RARB: variants seen among roughly 807,000 people sequenced by gnomAD.
RARB encodes retinoic acid receptor beta.
A neutral mutation model predicts 51.9 loss-of-function variants in RARB; 17 were observed. The observed-to-expected ratio is 0.33, with a 90% CI of 0.22 to 0.49. The LOEUF is 0.49. RARB is among the 20% of genes least tolerant of loss of function. RARB has a pLI of 0.99. For missense variants in RARB, 369 were observed against 550.8 expected, an observed-to-expected ratio of 0.67 and a Z score of 3.30; for synonymous variants, 215 against 195.4, an observed-to-expected ratio of 1.10 and a Z score of -0.84.
chr3:24,833,200 A>C (rs924743807), intron 1 of RARB: 1 of 152,114 alleles, frequency 6.6e-6, no homozygotes, highest in Admixed American at 6.5e-5. Flanking sequence ...GACAGAGCTG[A>C]CTCGTCCCTT....
intron 3 of RARB, among the ~76,000 whole-genome samples, chr3:25,081,944 T>G (rs1331076218): frequency 1.3e-5 from 2 of 151,940 alleles, no homozygotes; most frequent in African/African-American, 4.8e-5. Flanking sequence ...GCTTCATATA[T>G]TTTTAAGCTC....
At chr3:24,877,336 A>G (rs181680052) in intron 2 of RARB, among the ~76,000 whole-genome samples, 1 of 59,544 alleles carries the variant, frequency 1.7e-5, no homozygotes, top group African/African-American at 7.1e-5. Flanking sequence ...AATTTTTTAA[A>G]GCAATCTTAC....
chr3:24,886,532 C>T, intron 2 of RARB, among the ~76,000 whole-genome samples: 1 of 151,250 alleles, frequency 6.6e-6, no homozygotes, highest in East Asian at 1.9e-4. Flanking sequence ...GCAGCCTTTA[C>T]CTCCCGGACT....
intron 2 of RARB, among the ~76,000 whole-genome samples, chr3:25,031,898 G>C (rs1450755448): frequency 2.0e-5 from 3 of 152,110 alleles, no homozygotes; most frequent in Non-Finnish European, 2.9e-5. Flanking sequence ...GACCTGAATA[G>C]AATCCACATC....
intron 5 of RARB, among the ~76,000 whole-genome samples, chr3:25,236,458 G>A (rs1472073365): frequency 6.6e-6 from 1 of 151,976 alleles, no homozygotes. Context: ...CTTCTAAAAT[G>A]TCCTGAATTT....
chr3:25,460,828 TATCTGA>T, intron 1 of RARB, among the ~76,000 whole-genome samples: 1 of 152,226 alleles, frequency 6.6e-6, no homozygotes, highest in Non-Finnish European at 1.5e-5. Flanking sequence ...GTAGTATGAC[TATCTGA>T]ATTTGTGTCT....
intron 5 of RARB, among the ~76,000 whole-genome samples, chr3:25,275,088 T>C (rs1703350044): frequency 6.6e-6 from 1 of 152,206 alleles, no homozygotes; most frequent in African/African-American, 2.4e-5. Context: ...TGCTGCCCCA[T>C]CATGCTATCA....
Position 25,561,243 on chromosome 3 carries a change from G to GGGATCTTTGA in RARB, c.449-8514_449-8513insGATCTTTGAG, listed in dbSNP as rs562414158. 3.8e-3 allele frequency among the ~76,000 whole-genome samples: 582 copies of GGGATCTTTGA among 152,224 alleles called. 1 individual carries two copies. The highest frequency in any genetic ancestry group is 0.013 in the African/African-American group (549 of 41,526). On this transcript the variant is annotated intron_variant, in intron 3 of 7. Coordinates refer to ENST00000330688, the MANE Select transcript of RARB (RefSeq NM_000965.5). Reference sequence around the variant, plus strand: ...ACAGATGTGGGTGGGATCTTTGAGTGGTAGGAATGACCAATTGTTTTCTTT... The same window carrying GGGATCTTTGA: ...ACAGATGTGGGTGGGATCTTTGAGTGGGATCTTTGAGTAGGAATGACCAATTGTTTTCTTT...
intron 5 of RARB, among the ~76,000 whole-genome samples, chr3:25,247,532 C>T (rs1702594285): frequency 6.6e-6 from 1 of 152,210 alleles, no homozygotes; most frequent in African/African-American, 2.4e-5. Context: ...TAGCTCCATC[C>T]CTCATGGCGT....
intron 5 of RARB, among the ~76,000 whole-genome samples, chr3:25,379,182 C>T (rs1274632446): frequency 6.6e-6 from 1 of 152,120 alleles, no homozygotes; most frequent in Non-Finnish European, 1.5e-5. Context: ...AAGCATCACA[C>T]GTTGACAGGT....
chr3:25,449,466 G>A (rs1168677871), intron 1 of RARB, among the ~76,000 whole-genome samples: 1 of 152,048 alleles, frequency 6.6e-6, no homozygotes, highest in African/African-American at 2.4e-5. Context: ...TTAACTGTGT[G>A]TCTGTCTGTC....
chr3:24,920,319 A>G (rs1310887299), intron 2 of RARB, among the ~76,000 whole-genome samples: 1 of 152,254 alleles, frequency 6.6e-6, no homozygotes, highest in African/African-American at 2.4e-5. Flanking sequence ...TCCTTAATAT[A>G]TAATGGAAAG....
intron 1 of RARB, among the ~76,000 whole-genome samples, chr3:25,439,949 G>T (rs115607423): frequency 6.6e-6 from 1 of 152,144 alleles, no homozygotes; most frequent in South Asian, 2.1e-4. Context: ...ATACAGTGAG[G>T]TTGGGTAGAC....
intron 1 of RARB, among the ~76,000 whole-genome samples, chr3:25,442,282 C>A (rs1225923240): frequency 6.6e-6 from 1 of 151,960 alleles, no homozygotes; most frequent in African/African-American, 2.4e-5. Flanking sequence ...ATTACAGGAG[C>A]GCGCTACCAC....
intron 1 of RARB, among the ~76,000 whole-genome samples, chr3:25,454,731 A>C (rs554957352): frequency 1.3e-5 from 2 of 152,302 alleles, no homozygotes; most frequent in South Asian, 4.1e-4. Context: ...GTTATCTGCT[A>C]CTTAATCTAA....
intron 5 of RARB, among the ~76,000 whole-genome samples, chr3:25,359,027 A>G (rs79964210): frequency 4.0e-5 from 6 of 150,968 alleles, no homozygotes; most frequent in East Asian, 3.9e-4. Context: ...CTCTTTTTCT[A>G]TTGTTGGGAA....
chr3:25,231,477 T>C (rs1450803170), intron 5 of RARB, among the ~76,000 whole-genome samples: 1 of 152,164 alleles, frequency 6.6e-6, no homozygotes, highest in Non-Finnish European at 1.5e-5. Context: ...CAATACTCTT[T>C]GTTAAGAAGC....
At chr3:25,309,967 G>A (rs74718822) in intron 5 of RARB, among the ~76,000 whole-genome samples, 2,346 of 152,170 alleles carry the variant, frequency 0.015, 57 homozygotes, top group African/African-American at 0.05. Context: ...TGAAAGTCCC[G>A]AAGGCTGCTC....
chr3:24,963,487 C>G (rs1381183032), intron 2 of RARB, among the ~76,000 whole-genome samples: 3 of 148,952 alleles, frequency 2.0e-5, no homozygotes, highest in African/African-American at 7.5e-5. Flanking sequence ...ACTCTCGCCT[C>G]CCCTGAAAAA....
Sources: gnomAD v4.1 joint callset for allele counts (sites outside exome capture counted in the v4.1 genomes callset) on GRCh38, gnomAD v4.1.1 for gene constraint, MANE v1.5 for transcripts, NCBI Gene and HGNC (gene_info 2026-07-23, HGNC 2026-07-21) for gene names.